Variants in SEC14L1 observed in about 807,000 individuals in gnomAD.
SEC14L1 encodes the protein SEC14 like lipid binding 1.
Under a neutral mutation model 85.3 loss-of-function variants are expected in SEC14L1, and 48 were observed. The observed-to-expected ratio is 0.56, with a 90% CI of 0.45 to 0.72. The LOEUF (loss-of-function observed/expected upper bound fraction) is 0.72. Ranked by LOEUF, SEC14L1 falls within the 30% of genes least tolerant of loss-of-function variation. SEC14L1 has a pLI of 0.00. For synonymous variants in SEC14L1, 391 were observed against 355.5 expected (o/e 1.10, Z -1.12); for missense variants, 682 against 921.4 (o/e 0.74, Z 3.36).
At chr17:77,105,532 C>A (rs1022645287) in intron 3 of SEC14L1, among the ~76,000 whole-genome samples, 2 of 151,962 alleles carry the variant, frequency 1.3e-5, no homozygotes, top group African/African-American at 4.8e-5. Flanking sequence ...GATTAACCTC[C>A]GAAAGATTAA....
At position 77,134,099 on chromosome 17, in the gene SEC14L1, C is replaced by T. The variant is rs931767528; in HGVS notation, c.-135-8547C>T. On this transcript the variant is annotated intron_variant, in intron 3 of 19. Transcript: ENST00000392476. The stretch of plus-strand genomic sequence containing the variant: ...CTTCTCTTTCTCTGCTGCAGCGCTG[C>T]GGTCCCACCAACCTGCCTTCACTGT... Among the ~76,000 whole-genome samples the T allele has an allele frequency of 3.3e-5, 5 of 152,224 alleles. No homozygotes were observed. The South Asian group carries it at 6.2e-4, about 19-fold the overall frequency.
At chr17:77,155,950 C>T (rs1973797021) in intron 3 of SEC14L1, among the ~76,000 whole-genome samples, 1 of 152,188 alleles carries the variant, frequency 6.6e-6, no homozygotes, top group African/African-American at 2.4e-5. Context: ...CATTGGCCTT[C>T]TGCCTGTCCT....
At chr17:77,136,485 C>T (rs988004715), upstream of SEC14L1, among the ~76,000 whole-genome samples, 1 of 152,112 alleles carries the variant, frequency 6.6e-6, no homozygotes, top group African/African-American at 2.4e-5. Context: ...CAATATTATA[C>T]ATCCTTTGCT....
rs554054672 is a variant in SEC14L1, at chr17:77,146,832, T to G, written c.63+3173T>G. ...CCTTCCAAAAGTAGACTGTGAGTGA[T>G]GTTTGTGTGGTGTCCTTTGCCCCCA... On this transcript the variant is annotated intron_variant, in intron 3 of 16. Transcript: ENST00000436233. Among the ~76,000 whole-genome samples, 6 of 152,302 alleles carry G rather than the reference T, an allele frequency of 3.9e-5. No individual in the cohort carries two copies. The South Asian group carries it at 1.2e-3, about 32-fold the overall frequency.
intron 3 of SEC14L1, chr17:77,144,584 A>C (rs1306510808): frequency 6.6e-6 from 1 of 152,198 alleles, no homozygotes; most frequent in African/African-American, 2.4e-5. Context: ...TACGGGAAGA[A>C]TTTACATGAC....
intron 3 of SEC14L1, among the ~76,000 whole-genome samples, chr17:77,174,999 C>T (rs946960454): frequency 6.6e-6 from 1 of 152,096 alleles, no homozygotes; most frequent in African/African-American, 2.4e-5. Flanking sequence ...AGGATAAACG[C>T]ATGATTTGTA....
At chr17:77,126,743 C>T (rs373101815) in intron 3 of SEC14L1, among the ~76,000 whole-genome samples, 13 of 152,180 alleles carry the variant, frequency 8.5e-5, no homozygotes, top group Non-Finnish European at 1.3e-4. Flanking sequence ...GAGTCTACAA[C>T]GTGATGAGCA....
chr17:77,210,335 T>C, intron 14 of SEC14L1: 1 of 152,554 alleles, frequency 6.6e-6, no homozygotes, highest in Non-Finnish European at 1.5e-5. Context: ...ACGAGTGACC[T>C]GAAGCAGGAG....
chr17:77,212,346 G>A, intron 15 of SEC14L1, 145 bp downstream of exon 15: 1 of 1,208,698 alleles, frequency 8.3e-7, no homozygotes, highest in South Asian at 1.5e-5. Context: ...TTGCCTGGAG[G>A]AGCAGGAAGC....
intron 10 of SEC14L1, 56 bp from the exon 11 acceptor site, chr17:77,205,220 C>A: frequency 6.9e-7 from 1 of 1,439,860 alleles, no homozygotes; most frequent in South Asian, 1.2e-5. Context: ...TAGCTGGACG[C>A]GGTAGTTTTA....
chr17:77,150,034 C>T (rs1973486499), intron 3 of SEC14L1, among the ~76,000 whole-genome samples: 1 of 152,134 alleles, frequency 6.6e-6, no homozygotes, highest in Non-Finnish European at 1.5e-5. Context: ...GCAGGGCTGA[C>T]CCACAGGCAG....
intron 3 of SEC14L1, among the ~76,000 whole-genome samples, chr17:77,168,827 T>G (rs1974402882): frequency 6.6e-6 from 1 of 152,186 alleles, no homozygotes; most frequent in Non-Finnish European, 1.5e-5. Context: ...CGCTGTTGAT[T>G]ATAGTAAATG....
intron 3 of SEC14L1, among the ~76,000 whole-genome samples, chr17:77,176,001 A>G (rs749390241): frequency 6.6e-5 from 10 of 152,184 alleles, no homozygotes; most frequent in Non-Finnish European, 1.2e-4. Flanking sequence ...TAGAAAACCA[A>G]TTAGGAGACT....
At chr17:77,167,603 C>T (rs1974341405) in intron 3 of SEC14L1, among the ~76,000 whole-genome samples, 1 of 152,146 alleles carries the variant, frequency 6.6e-6, no homozygotes, top group African/African-American at 2.4e-5. Flanking sequence ...CTTCTCCTTC[C>T]ACCTTACAAA....
At chr17:77,157,530 CTTT>C (rs370936192) in intron 3 of SEC14L1, among the ~76,000 whole-genome samples, 4 of 144,370 alleles carry the variant, frequency 2.8e-5, no homozygotes, top group Non-Finnish European at 6.1e-5. Flanking sequence ...TCTATTATAA[CTTT>C]TTTTTTTTTT....
chr17:77,110,279 A>G (rs1008284297), intron 3 of SEC14L1, among the ~76,000 whole-genome samples: 2 of 152,188 alleles, frequency 1.3e-5, no homozygotes, highest in African/African-American at 4.8e-5. Flanking sequence ...GCATTGTTGG[A>G]CAAAAAGAAA....
rs369497578 is a variant in SEC14L1, at chr17:77,186,226, C to T, written c.64-4577C>T. ...GCATGGTCTATGCCACATCGTCATG[C>T]ACCACAGTGACCCCTGGCCTCACCT... On this transcript the variant is annotated intron_variant, in intron 3 of 16. Transcript: ENST00000436233. Among the ~76,000 whole-genome samples the T allele has an allele frequency of 5.3e-5, 8 of 152,318 alleles. No individual in the cohort carries two copies. In the East Asian group the frequency reaches 1.5e-3, roughly 29 times the overall value.
chr17:77,141,314 C>T (rs1488470400), intron 1 of SEC14L1: 1 of 130,664 alleles, frequency 7.7e-6, no homozygotes. Context: ...CCCTGCTCGC[C>T]CCTCGCCGCC....
chr17:77,174,060 C>T (rs1478050829), intron 3 of SEC14L1, among the ~76,000 whole-genome samples: 2 of 152,088 alleles, frequency 1.3e-5, no homozygotes, highest in Non-Finnish European at 2.9e-5. Context: ...ACCACCACAC[C>T]TGGCTAATTT....
Sources: gnomAD v4.1 joint callset for allele counts (sites outside exome capture counted in the v4.1 genomes callset) on GRCh38, gnomAD v4.1.1 for gene constraint, MANE v1.5 for transcripts, NCBI Gene and HGNC (gene_info 2026-07-23, HGNC 2026-07-21) for gene names.